The following SH3BP4 variants were observed in gnomAD, a reference collection of about 807,000 sequenced individuals.
SH3BP4 encodes SH3 domain-binding protein 4.
In SH3BP4, 33 loss-of-function variants were observed where a neutral mutation model predicts 65.5. That is an observed-to-expected ratio of 0.50 (90% CI 0.38 to 0.67). The LOEUF (loss-of-function observed/expected upper bound fraction) is 0.67, where lower values mean the gene tolerates loss of function less well. Ranked by LOEUF, SH3BP4 falls within the 30% of genes least tolerant of loss-of-function variation. SH3BP4 has a pLI of 0.00. For missense variants in SH3BP4, 1,134 were observed against 1,261.4 expected (o/e 0.90, Z 1.53); for synonymous variants, 552 against 545.5 (o/e 1.01, Z -0.17).
chr2:234,992,247 G>A (rs1469254134), intron 1 of SH3BP4, among the ~76,000 whole-genome samples: 1 of 152,196 alleles, frequency 6.6e-6, no homozygotes, highest in Non-Finnish European at 1.5e-5. Context: ...GCCTTGGGGG[G>A]CAGGAGCTGG....
At position 234,974,661 on chromosome 2, in the gene SH3BP4, A is replaced by G. The variant is rs1399777706; in HGVS notation, c.-206-20642A>G. On this transcript the variant is annotated intron_variant, in intron 1 of 5. Transcript: ENST00000392011. The surrounding 1 kb of genome is among the most constrained non-coding windows in gnomAD (Gnocchi z 4.6). ...TTCCCTGGTCTCATTTTACACTAAC[A>G]AGGGCTTCATGCAGCCCGCGGCCCA... 6.6e-6 allele frequency among the ~76,000 whole-genome samples: 1 copy of G among 152,202 alleles called. No individual in the cohort carries two copies. The highest frequency in any genetic ancestry group is 1.5e-5 in the Non-Finnish European group (1 of 68,038).
At chr2:235,047,849 C>T (rs1262629447) in intron 4 of SH3BP4, among the ~76,000 whole-genome samples, 1 of 151,940 alleles carries the variant, frequency 6.6e-6, no homozygotes, top group Non-Finnish European at 1.5e-5. Context: ...GGGAAATAGG[C>T]GTGTCGGGCT....
chr2:235,004,004 C>A (rs2106286434), intron 2 of SH3BP4, among the ~76,000 whole-genome samples: 1 of 152,312 alleles, frequency 6.6e-6, no homozygotes, highest in East Asian at 1.9e-4. Context: ...CCGTTAGCAC[C>A]CCAACTGCTC....
chr2:235,052,523 C>G lies in SH3BP4; in HGVS notation c.2479-39C>G, dbSNP rs1298447581. ...TGCGGGGAGCAGAGCCTGCCCCACT[C>G]CCTACACTGTCTCACGCTGTGTGCC... On this transcript the variant is annotated intron_variant, in intron 4 of 5. Coordinates refer to ENST00000392011, the MANE Select transcript of SH3BP4 (RefSeq NM_014521.3). This position sits in a 1 kb window ranked among gnomAD's most constrained non-coding sequence, Gnocchi z 5.0. 1.3e-6 allele frequency: 2 copies of G among 1,494,964 alleles called. No individual in the cohort carries two copies. Among genetic ancestry groups the G allele is most frequent in the East Asian group, 2.5e-5 (1 of 40,222 alleles). The allele number at this position is 1,494,964 out of a possible 1,614,324, so 92.6% of individuals were successfully genotyped here.
At chr2:234,972,074 C>T (rs1020863906) in intron 1 of SH3BP4, among the ~76,000 whole-genome samples, 4 of 151,476 alleles carry the variant, frequency 2.6e-5, no homozygotes, top group Admixed American at 6.6e-5. Context: ...CTCAGCCTCC[C>T]AAAGTGCTGG....
intron 4 of SH3BP4, among the ~76,000 whole-genome samples, chr2:235,044,124 GT>G (rs35599931): frequency 6.6e-6 from 1 of 152,362 alleles, no homozygotes; most frequent in South Asian, 2.1e-4. Flanking sequence ...TGTAATGTGA[GT>G]TTTTCTTGCC....
At chr2:234,995,801 T>A (rs971830587) in intron 2 of SH3BP4, 4 of 152,304 alleles carry the variant, frequency 2.6e-5, no homozygotes, top group Non-Finnish European at 5.9e-5. Flanking sequence ...TTGGGTGGTG[T>A]GTACACAAAG....
intron 2 of SH3BP4, among the ~76,000 whole-genome samples, chr2:235,017,459 A>G (rs1235348347): frequency 6.6e-6 from 1 of 152,026 alleles, no homozygotes; most frequent in Non-Finnish European, 1.5e-5. Context: ...AAAAAAAAAA[A>G]AAAAGAAATC....
At chr2:234,979,860 C>G (rs1226866076) in intron 1 of SH3BP4, 2 of 151,370 alleles carry the variant, frequency 1.3e-5, no homozygotes, top group Non-Finnish European at 2.9e-5. Context: ...CCTCCCCAGT[C>G]TAGCCTTGAG....
chr2:234,980,164 T>A (rs1693326778), intron 1 of SH3BP4, among the ~76,000 whole-genome samples: 1 of 151,946 alleles, frequency 6.6e-6, no homozygotes, highest in African/African-American at 2.4e-5. Context: ...CTGTAAGTAG[T>A]CCCCCCCTTA....
intron 2 of SH3BP4, among the ~76,000 whole-genome samples, chr2:235,014,672 G>A (rs1316233464): frequency 1.3e-5 from 2 of 152,090 alleles, no homozygotes; most frequent in East Asian, 3.9e-4. Flanking sequence ...TTGGCTTGCG[G>A]TTGGTCACCT....
chr2:234,968,982 G>A (rs1452340858), intron 1 of SH3BP4, among the ~76,000 whole-genome samples: 2 of 152,180 alleles, frequency 1.3e-5, no homozygotes, highest in East Asian at 3.9e-4. Flanking sequence ...CTTTGAAGAT[G>A]CTGTCTTCTA....
intron 1 of SH3BP4, among the ~76,000 whole-genome samples, chr2:234,972,396 G>A (rs1027443886): frequency 1.3e-5 from 2 of 152,220 alleles, no homozygotes; most frequent in African/African-American, 4.8e-5. Context: ...GCTTCCCAAA[G>A]TGCTGGGAAG....
Position 234,976,418 on chromosome 2 carries a change from T to C in SH3BP4, c.-206-18885T>C. On this transcript the variant is annotated intron_variant, in intron 1 of 5. Coordinates refer to ENST00000392011, the MANE Select transcript of SH3BP4 (RefSeq NM_014521.3). The surrounding 1 kb of genome is among the most constrained non-coding windows in gnomAD (Gnocchi z 4.7). ...GTTCTGAGTAGTTAAGTTAGATCCT[T>C]AGGGGGTGACAGGGCCGGTGTGTAC... Among the ~76,000 whole-genome samples the C allele has an allele frequency of 6.6e-6, 1 of 152,182 alleles. No individual in the cohort carries two copies. The highest frequency in any genetic ancestry group is 1.5e-5 in the Non-Finnish European group (1 of 68,020).
intron 2 of SH3BP4, among the ~76,000 whole-genome samples, chr2:235,014,192 C>T (rs916740838): frequency 7.9e-5 from 12 of 152,132 alleles, no homozygotes; most frequent in Non-Finnish European, 1.5e-4. Context: ...CGTTGCCTGC[C>T]GACATCAGCC....
At chr2:234,996,649 A>C (rs766669924) in intron 2 of SH3BP4, among the ~76,000 whole-genome samples, 3 of 152,200 alleles carry the variant, frequency 2.0e-5, no homozygotes, top group Non-Finnish European at 4.4e-5. Context: ...CCCTCCTGAA[A>C]GGCATCCACA....
At chr2:235,000,662 G>A (rs1218346717) in intron 2 of SH3BP4, among the ~76,000 whole-genome samples, 2 of 152,222 alleles carry the variant, frequency 1.3e-5, no homozygotes, top group Non-Finnish European at 1.5e-5. Context: ...CACATGTGGT[G>A]TGCTCTGAAT....
intron 1 of SH3BP4, among the ~76,000 whole-genome samples, chr2:234,994,323 A>G (rs990863038): frequency 3.3e-5 from 5 of 152,124 alleles, no homozygotes; most frequent in African/African-American, 4.8e-5. Context: ...AAATATTTAC[A>G]TGGATGGAGG....
intron 1 of SH3BP4, among the ~76,000 whole-genome samples, chr2:234,954,695 G>C (rs1574768423): frequency 6.6e-6 from 1 of 152,180 alleles, no homozygotes; most frequent in African/African-American, 2.4e-5. Context: ...CTGATCATAA[G>C]ATATGCGAAT....
Sources: gnomAD v4.1 joint callset for allele counts (sites outside exome capture counted in the v4.1 genomes callset) on GRCh38, gnomAD v4.1.1 for gene constraint, Gnocchi (gnomAD v3.1) non-coding constraint, MANE v1.5 for transcripts, NCBI Gene and HGNC (gene_info 2026-07-23, HGNC 2026-07-21) for gene names.